ZMIZ1: variants seen among roughly 807,000 people sequenced by gnomAD.
The protein encoded by ZMIZ1 is zinc finger MIZ-type containing 1, also known as zinc finger MIZ domain-containing protein 1.
ZMIZ1 carries 17 observed loss-of-function variants against 113.9 expected under a neutral mutation model. The observed-to-expected ratio is 0.15, with a 90% CI of 0.10 to 0.22. The LOEUF (loss-of-function observed/expected upper bound fraction) is 0.22. Ranked by LOEUF, ZMIZ1 falls within the 10% of genes least tolerant of loss-of-function variation. The probability of loss-of-function intolerance (pLI) is 1.00; values close to 1 mark genes in which losing one functional copy is unlikely to be tolerated. For missense variants in ZMIZ1, 1,059 were observed against 1,477.8 expected (o/e 0.72, Z 4.65); for synonymous variants, 607 against 603.1 (o/e 1.01, Z -0.09).
At position 79,253,601 on chromosome 10, in the gene ZMIZ1, G is replaced by A. The variant is rs528189368; in HGVS notation, c.281-23580G>A. Among the ~76,000 whole-genome samples the A allele has an allele frequency of 6.6e-5, 10 of 152,312 alleles. No homozygotes were observed. In the South Asian group the frequency reaches 1.9e-3, roughly 28 times the overall value. On this transcript the variant is annotated intron_variant, in intron 7 of 24. Coordinates refer to ENST00000334512, the MANE Select transcript of ZMIZ1 (RefSeq NM_020338.4). ...GTCAGGGAGTGTGGGGGACTGGTGG[G>A]TAGAGGTGCGGCCTGAACTCTGGCC...
intron 7 of ZMIZ1, among the ~76,000 whole-genome samples, chr10:79,240,661 T>TTTTTTTTTTTTTTTTTTTC (rs1849787679): frequency 6.9e-6 from 1 of 145,354 alleles, no homozygotes; most frequent in African/African-American, 2.6e-5. Flanking sequence ...TTTTTTTTTT[T>TTTTTTTTTTTTTTTTTTTC]TTTTGCTTAC....
At chr10:79,203,018 T>C (rs1848166965) in intron 5 of ZMIZ1, among the ~76,000 whole-genome samples, 1 of 152,222 alleles carries the variant, frequency 6.6e-6, no homozygotes, top group Non-Finnish European at 1.5e-5. Flanking sequence ...TGGTGTCCAT[T>C]GTCCTCAGTA....
At chr10:79,259,193 T>TA (rs1851103470) in intron 7 of ZMIZ1, among the ~76,000 whole-genome samples, 1 of 152,264 alleles carries the variant, frequency 6.6e-6, no homozygotes, top group African/African-American at 2.4e-5. Context: ...CCTGGACTGT[T>TA]TAATTTGTTT....
chr10:79,242,539 GCCCTCCCCTCCCCTCCCCTC>G (rs543878844), intron 7 of ZMIZ1, among the ~76,000 whole-genome samples: 1 of 131,090 alleles, frequency 7.6e-6, no homozygotes, highest in African/African-American at 2.9e-5. Context: ...GCCTAGCCCC[GCCCTCCCCTCCCCTCCCCTC>G]CCCTCCCCCC....
intron 7 of ZMIZ1, among the ~76,000 whole-genome samples, chr10:79,244,086 G>T (rs535506430): frequency 6.6e-6 from 1 of 152,240 alleles, no homozygotes; most frequent in Non-Finnish European, 1.5e-5. Flanking sequence ...AATAAGAATC[G>T]GCCAGGATGC....
chr10:79,254,153 C>G (rs1850731457), intron 7 of ZMIZ1, among the ~76,000 whole-genome samples: 1 of 152,208 alleles, frequency 6.6e-6, no homozygotes, highest in Non-Finnish European at 1.5e-5. Context: ...TGAGGTTTTC[C>G]AGCCGCTTCC....
chr10:79,093,124 C>T (rs1464106795), intron 1 of ZMIZ1, among the ~76,000 whole-genome samples: 1 of 124,532 alleles, frequency 8.0e-6, no homozygotes, highest in Non-Finnish European at 1.6e-5. Context: ...TCTACCACCC[C>T]CCCCACCCCC....
At chr10:79,197,544 C>T (rs1310735781) in intron 4 of ZMIZ1, among the ~76,000 whole-genome samples, 2 of 151,306 alleles carry the variant, frequency 1.3e-5, no homozygotes, top group East Asian at 2.0e-4. Flanking sequence ...GGGTGACCTA[C>T]AGAAGTAGCA....
intron 5 of ZMIZ1, among the ~76,000 whole-genome samples, chr10:79,208,073 GGGGGTGGAGGTGGTGGGGGT>G (rs1848397912): frequency 1.4e-5 from 2 of 146,166 alleles, no homozygotes; most frequent in African/African-American, 5.2e-5. Context: ...AGGTGAGGGT[GGGGGTGGAGGTGGTGGGGGT>G]GGAGTGGAGG....
intron 4 of ZMIZ1, among the ~76,000 whole-genome samples, chr10:79,181,034 G>A (rs995413425): frequency 2.6e-5 from 4 of 152,244 alleles, no homozygotes; most frequent in Admixed American, 2.6e-4. Flanking sequence ...AGGCCACGAG[G>A]GAGTCAGGAC....
At chr10:79,249,935 C>T (rs1205056408) in intron 7 of ZMIZ1, among the ~76,000 whole-genome samples, 1 of 152,190 alleles carries the variant, frequency 6.6e-6, no homozygotes, top group Non-Finnish European at 1.5e-5. Context: ...CTGTCATTTA[C>T]CAGGTGACTT....
At chr10:79,254,320 T>A (rs1424876903) in intron 7 of ZMIZ1, among the ~76,000 whole-genome samples, 2 of 152,204 alleles carry the variant, frequency 1.3e-5, no homozygotes, top group African/African-American at 4.8e-5. Context: ...TCCTCTCTGT[T>A]CAGGGAGTGG....
At chr10:79,196,020 C>T (rs1847818217) in intron 4 of ZMIZ1, among the ~76,000 whole-genome samples, 1 of 152,148 alleles carries the variant, frequency 6.6e-6, no homozygotes. Context: ...TGCATGCCTC[C>T]CTCAGCGCAC....
intron 7 of ZMIZ1, among the ~76,000 whole-genome samples, chr10:79,239,474 C>T (rs912099458): frequency 6.6e-6 from 1 of 152,222 alleles, no homozygotes; most frequent in Non-Finnish European, 1.5e-5. Context: ...CCTCTGAGCG[C>T]CTACGCCCGC....
At chr10:79,077,358 C>T (rs182467049) in intron 1 of ZMIZ1, among the ~76,000 whole-genome samples, 2 of 152,240 alleles carry the variant, frequency 1.3e-5, no homozygotes, top group East Asian at 1.9e-4. Context: ...AAGTGGGACG[C>T]GACCTTATAG....
In ZMIZ1 at chr10:79,102,519, G is replaced by T. The variant is rs72816241; in HGVS notation, c.-336-16396G>T. On this transcript the variant is annotated intron_variant, in intron 1 of 24. Transcript: ENST00000334512. ...AAGGCTGCCCAGGGCCAGGAGCTGA[G>T]GGGGGACAGGATGTGGTTTTCAAAG... 3.9e-3 allele frequency among the ~76,000 whole-genome samples: 590 copies of T among 152,322 alleles called. 1 individual carries two copies. Among genetic ancestry groups the T allele is most frequent in the Non-Finnish European group, 6.1e-3 (416 of 67,990 alleles).
rs138587210 is a variant in ZMIZ1, at chr10:79,302,257, G to A, written c.2125+45G>A. On this transcript the variant is annotated intron_variant, in intron 18 of 24. Coordinates refer to ENST00000334512, the MANE Select transcript of ZMIZ1 (RefSeq NM_020338.4). ...GGGGTGAGGGCCAGACTCCATCCCC[G>A]CCTGAGTTTGGGACTGAGAAGCAGT... 341 of 1,581,776 alleles carry A rather than the reference G, an allele frequency of 2.2e-4. 2 individuals carry two copies. In the African/African-American group the frequency reaches 3.9e-3, roughly 18 times the overall value.
chr10:79,177,086 C>T (rs111696682), intron 4 of ZMIZ1, among the ~76,000 whole-genome samples: 17 of 152,362 alleles, frequency 1.1e-4, no homozygotes, highest in African/African-American at 3.4e-4. Flanking sequence ...GGCTTGCTCT[C>T]CCCAGACAGC....
At chr10:79,230,540 A>G (rs1849352882) in intron 7 of ZMIZ1, among the ~76,000 whole-genome samples, 1 of 152,076 alleles carries the variant, frequency 6.6e-6, no homozygotes, top group African/African-American at 2.4e-5. Flanking sequence ...ACTTCCTCCC[A>G]ATTAAGCGTC....
Sources: gnomAD v4.1 joint callset for allele counts (sites outside exome capture counted in the v4.1 genomes callset) on GRCh38, gnomAD v4.1.1 for gene constraint, MANE v1.5 for transcripts, NCBI Gene and HGNC (gene_info 2026-07-23, HGNC 2026-07-21) for gene names.